The following TSNARE1 variants were observed in gnomAD, a reference collection of about 807,000 sequenced individuals.
The protein encoded by TSNARE1 is t-SNARE domain containing 1, also known as t-SNARE domain-containing protein 1.
In TSNARE1, 49 loss-of-function variants were observed where a neutral mutation model predicts 62.0. The ratio of observed to expected loss-of-function variants is 0.79; its 90% CI spans 0.63 to 1.00. The LOEUF is 1.00. Among genes scored for constraint, TSNARE1 ranks in the 50% least tolerant of loss-of-function variants. The pLI, the probability that TSNARE1 is intolerant of heterozygous loss-of-function variation, is 0.00. For synonymous variants in TSNARE1, 328 were observed against 294.4 expected, an observed-to-expected ratio of 1.11 and a Z score of -1.17; for missense variants, 755 against 700.1, an observed-to-expected ratio of 1.08 and a Z score of -0.88.
At chr8:142,292,392 G>T (rs1823944621) in intron 10 of TSNARE1, among the ~76,000 whole-genome samples, 1 of 152,208 alleles carries the variant, frequency 6.6e-6, no homozygotes, top group Admixed American at 6.5e-5. Flanking sequence ...TTTCTCATGG[G>T]AATTTTGAAG....
At chr8:142,225,777 T>G (rs968879032) in intron 13 of TSNARE1, among the ~76,000 whole-genome samples, 7 of 152,246 alleles carry the variant, frequency 4.6e-5, no homozygotes, top group Non-Finnish European at 8.8e-5. Context: ...ATGTACTGGC[T>G]TCCTATGGCT....
chr8:142,272,762 C>A, intron 12 of TSNARE1: 3 of 956,084 alleles, frequency 3.1e-6, no homozygotes, highest in Non-Finnish European at 3.7e-6. Flanking sequence ...GGACATTCTA[C>A]GCAGAGGCGA....
In TSNARE1 at chr8:142,244,111, G is replaced by A. The variant is rs1441391063; in HGVS notation, c.1447-14532C>T. 9.8e-5 allele frequency among the ~76,000 whole-genome samples: 15 copies of A among 152,332 alleles called. No homozygotes were observed. In the East Asian group the frequency reaches 1.5e-3, roughly 16 times the overall value. On this transcript the variant is annotated intron_variant, in intron 12 of 13. Transcript: ENST00000524325. ...TGAGGCAGGAGAATGGTGTGAACCC[G>A]GGAGGCGGAGCTTGCAGTGAGCCGA...
chr8:142,283,176 CAAT>C (rs1222435942), intron 11 of TSNARE1, among the ~76,000 whole-genome samples: 1 of 149,856 alleles, frequency 6.7e-6, no homozygotes, highest in Non-Finnish European at 1.5e-5. Flanking sequence ...CAGTGTCTGT[CAAT>C]GAGCGGAGGT....
chr8:142,379,463 G>A (rs992283427), intron 1 of TSNARE1, among the ~76,000 whole-genome samples: 6 of 152,250 alleles, frequency 3.9e-5, no homozygotes, highest in Non-Finnish European at 7.3e-5. Flanking sequence ...AGGGAGAGTG[G>A]TTTCACAACT....
chr8:142,236,304 C>T (rs1415903655), intron 12 of TSNARE1, among the ~76,000 whole-genome samples: 1 of 151,464 alleles, frequency 6.6e-6, no homozygotes, highest in Non-Finnish European at 1.5e-5. Context: ...GGTTCAGAGG[C>T]GGGCAGACAG....
At position 142,358,579 on chromosome 8, in the gene TSNARE1, T is replaced by C. The variant is rs11984624; in HGVS notation, c.-39-3816A>G. Among the ~76,000 whole-genome samples the C allele has an allele frequency of 6.0e-3, 915 of 152,164 alleles. 10 individuals carry two copies. The highest frequency in any genetic ancestry group is 0.021 in the African/African-American group (859 of 41,500). ...AAACTCACAATTTCATTTCGCTGCATATGGAAACATGAAACACCTCTGTGT... is the reference window on the plus strand; with the variant it reads ...AAACTCACAATTTCATTTCGCTGCACATGGAAACATGAAACACCTCTGTGT... On this transcript the variant is annotated intron_variant, in intron 1 of 13. Transcript: ENST00000524325.
At chr8:142,271,163 TGG>T (rs1563796075) in intron 12 of TSNARE1, 2 of 989,000 alleles carry the variant, frequency 2.0e-6, no homozygotes, top group African/African-American at 3.5e-5. Flanking sequence ...GGGGCTGTCC[TGG>T]GAGCCTCCAG....
intron 9 of TSNARE1, among the ~76,000 whole-genome samples, chr8:142,308,274 T>C (rs149726914): frequency 0.013 from 1,991 of 152,340 alleles, 42 homozygotes; most frequent in African/African-American, 0.045. Context: ...TAAGAAATAC[T>C]TGTCCACCGT....
chr8:142,365,602 G>GCACACACACGCACA (rs1835481665), intron 1 of TSNARE1, among the ~76,000 whole-genome samples: 1 of 144,404 alleles, frequency 6.9e-6, no homozygotes, highest in African/African-American at 2.6e-5. Flanking sequence ...ACATGCACAC[G>GCACACACACGCACA]CACACACACA....
In TSNARE1 at chr8:142,345,840, C is replaced by G; in HGVS notation, c.141G>C (p.Ser47=). 1 of 1,613,980 alleles carries G rather than the reference C, an allele frequency of 6.2e-7. No individual in the cohort carries two copies. Among genetic ancestry groups the G allele is most frequent in the South Asian group, 1.1e-5 (1 of 91,042 alleles). The change falls in exon 3 of 14, where the codon TCG becomes TCC. Residue 47 remains serine, a synonymous_variant. Coordinates refer to ENST00000524325, the MANE Select transcript of TSNARE1 (RefSeq NM_145003.5). ...EYGIRHFPCP[S]PESKLQNRCV... is the part of the protein sequence containing the mutation. ...AGCGGTTCTGCAGCTTGCTCTCTGG[C>G]GACGGGCAGGGGAAATGGCGGATTC...
chr8:142,346,967 C>A (rs1833457444), intron 2 of TSNARE1, among the ~76,000 whole-genome samples: 1 of 152,192 alleles, frequency 6.6e-6, no homozygotes, highest in South Asian at 2.1e-4. Flanking sequence ...CCAAAGGCTA[C>A]CTGGTCCATC....
intron 2 of TSNARE1, among the ~76,000 whole-genome samples, chr8:142,353,866 C>T (rs1490369884): frequency 6.6e-6 from 1 of 152,256 alleles, no homozygotes. Context: ...CCCCTGCCTG[C>T]ACAGCTGTTA....
chr8:142,374,422 T>C (rs2131089601), intron 1 of TSNARE1, among the ~76,000 whole-genome samples: 1 of 152,082 alleles, frequency 6.6e-6, no homozygotes, highest in Admixed American at 6.5e-5. Flanking sequence ...CTCACGCCTG[T>C]AATCCCAGCA....
At chr8:142,280,196 G>A (rs1173193924) in intron 11 of TSNARE1, 39 of 985,268 alleles carry the variant, frequency 4.0e-5, no homozygotes, top group African/African-American at 5.2e-5. Flanking sequence ...TTGGGCTTGC[G>A]TGTCTTGGTG....
intron 12 of TSNARE1, among the ~76,000 whole-genome samples, chr8:142,236,877 G>C (rs1463309354): frequency 6.6e-6 from 1 of 152,212 alleles, no homozygotes; most frequent in East Asian, 1.9e-4. Context: ...GCAGACACAG[G>C]AAGCAGGCGC....
intron 13 of TSNARE1, among the ~76,000 whole-genome samples, chr8:142,224,932 G>A (rs1463657596): frequency 6.6e-6 from 1 of 152,150 alleles, no homozygotes; most frequent in African/African-American, 2.4e-5. Context: ...CCCTAGCAGA[G>A]GAGTGAAGGC....
chr8:142,230,257 T>C (rs987037682), intron 12 of TSNARE1, among the ~76,000 whole-genome samples: 22 of 152,114 alleles, frequency 1.4e-4, no homozygotes, highest in Non-Finnish European at 2.8e-4. Context: ...GGCAAGGGAT[T>C]AAGGGAGAAC....
intron 12 of TSNARE1, among the ~76,000 whole-genome samples, chr8:142,262,882 T>A (rs1321170267): frequency 2.6e-5 from 4 of 152,248 alleles, no homozygotes; most frequent in African/African-American, 9.6e-5. Context: ...AAAGCAAGAA[T>A]GGACTAACAC....
Sources: gnomAD v4.1 joint callset for allele counts (sites outside exome capture counted in the v4.1 genomes callset) on GRCh38, gnomAD v4.1.1 for gene constraint, MANE v1.5 for transcripts, NCBI Gene and HGNC (gene_info 2026-07-23, HGNC 2026-07-21) for gene names.